HIVEP3: variants seen among roughly 807,000 people sequenced by gnomAD.
HIVEP3 encodes the protein transcription factor HIVEP3.
Under a neutral mutation model 152.8 loss-of-function variants are expected in HIVEP3, and 49 were observed. That is an observed-to-expected ratio of 0.32 (90% confidence interval 0.26 to 0.41). The LOEUF is 0.41. Among genes scored for constraint, HIVEP3 ranks in the 10% least tolerant of loss-of-function variants. The pLI, the probability that HIVEP3 is intolerant of heterozygous loss-of-function variation, is 1.00. For missense variants in HIVEP3, 2,790 were observed against 3,103.3 expected, an observed-to-expected ratio of 0.90 and a Z score of 2.40; for synonymous variants, 1,269 against 1,289.0, an observed-to-expected ratio of 0.98 and a Z score of 0.33.
At chr1:41,881,471 G>T (rs1303068027) in intron 1 of HIVEP3, among the ~76,000 whole-genome samples, 4 of 152,124 alleles carry the variant, frequency 2.6e-5, no homozygotes, top group Non-Finnish European at 5.9e-5. Context: ...ATTATAGAAA[G>T]TTCTAAAAAC....
chr1:41,522,846 G>A (rs537295556), intron 6 of HIVEP3, among the ~76,000 whole-genome samples: 15 of 152,320 alleles, frequency 9.8e-5, no homozygotes, highest in Admixed American at 3.9e-4. Flanking sequence ...CCCAGGCTGC[G>A]TGTGGGGCAC....
At chr1:41,598,321 C>A (rs761731989) in intron 3 of HIVEP3, among the ~76,000 whole-genome samples, 1 of 152,158 alleles carries the variant, frequency 6.6e-6, no homozygotes, top group Non-Finnish European at 1.5e-5. Context: ...GTGACTGTGG[C>A]ACAAAAGGCA....
At chr1:41,715,722 C>A (rs940029725) in intron 1 of HIVEP3, among the ~76,000 whole-genome samples, 3 of 152,206 alleles carry the variant, frequency 2.0e-5, no homozygotes, top group Admixed American at 1.3e-4. Flanking sequence ...CATCTTGGTG[C>A]TACCATAGGG....
At chr1:41,986,631 A>G (rs771884414) in intron 1 of HIVEP3, among the ~76,000 whole-genome samples, 6 of 151,926 alleles carry the variant, frequency 3.9e-5, no homozygotes, top group African/African-American at 1.5e-4. Context: ...TAGTAGAGAC[A>G]GGGTTTCACC....
chr1:41,630,661 T>C (rs895954055), intron 2 of HIVEP3, among the ~76,000 whole-genome samples: 1 of 152,152 alleles, frequency 6.6e-6, no homozygotes, highest in Non-Finnish European at 1.5e-5. Context: ...ACACCTTGAA[T>C]GAGCTTGGAA....
At chr1:42,004,150 G>C (rs995349678) in intron 1 of HIVEP3, among the ~76,000 whole-genome samples, 5 of 152,172 alleles carry the variant, frequency 3.3e-5, no homozygotes, top group Non-Finnish European at 7.3e-5. Flanking sequence ...GCATGACCCA[G>C]GAGGAAAGAG....
At chr1:41,612,099 A>G (rs1340762947) in intron 3 of HIVEP3, among the ~76,000 whole-genome samples, 1 of 118,054 alleles carries the variant, frequency 8.5e-6, no homozygotes, top group African/African-American at 3.3e-5. Flanking sequence ...ACTCCCACCC[A>G]CCTGTGCCCC....
intron 1 of HIVEP3, among the ~76,000 whole-genome samples, chr1:41,931,352 C>A (rs1362147332): frequency 4.6e-5 from 7 of 151,940 alleles, no homozygotes; most frequent in Non-Finnish European, 5.9e-5. Flanking sequence ...GTTCCAACAC[C>A]ATTTGTTGAA....
At chr1:41,816,794 A>T (rs1651295058) in intron 1 of HIVEP3, among the ~76,000 whole-genome samples, 1 of 152,224 alleles carries the variant, frequency 6.6e-6, no homozygotes, top group South Asian at 2.1e-4. Flanking sequence ...ATGAGAAAGA[A>T]GGGCTACAAA....
chr1:42,032,379 C>T (rs892134731), intron 1 of HIVEP3, among the ~76,000 whole-genome samples: 4 of 152,160 alleles, frequency 2.6e-5, no homozygotes, highest in African/African-American at 4.8e-5. Flanking sequence ...AGAAGTGCAA[C>T]GGGACGTTAA....
intron 1 of HIVEP3, among the ~76,000 whole-genome samples, chr1:41,986,438 CTTTT>C (rs34078704): frequency 4.4e-5 from 5 of 112,460 alleles, no homozygotes; most frequent in Admixed American, 8.6e-5. Context: ...TTGAATAGGA[CTTTT>C]TTTTTTTTTT....
At chr1:41,940,912 G>C (rs1645042708) in intron 1 of HIVEP3, among the ~76,000 whole-genome samples, 1 of 152,030 alleles carries the variant, frequency 6.6e-6, no homozygotes, top group Admixed American at 6.6e-5. Context: ...GAGAGACAGA[G>C]AGAAAGAGAG....
chr1:41,958,162 G>A (rs1475096478), intron 1 of HIVEP3, among the ~76,000 whole-genome samples: 1 of 152,174 alleles, frequency 6.6e-6, no homozygotes, highest in African/African-American at 2.4e-5. Context: ...AAAGAGCTGC[G>A]GCAGCTCCCG....
At chr1:41,901,333 G>A (rs1448810246) in intron 1 of HIVEP3, among the ~76,000 whole-genome samples, 1 of 152,090 alleles carries the variant, frequency 6.6e-6, no homozygotes, top group Non-Finnish European at 1.5e-5. Context: ...TAAGAAGGGG[G>A]CTGCATTTAC....
chr1:41,545,840 T>C (rs1643791937), intron 5 of HIVEP3, among the ~76,000 whole-genome samples: 2 of 150,358 alleles, frequency 1.3e-5, no homozygotes, highest in South Asian at 4.2e-4. Flanking sequence ...TCCTCAGCAT[T>C]CACTGGACAT....
At chr1:41,992,461 AAGG>A (rs1204866600) in intron 1 of HIVEP3, among the ~76,000 whole-genome samples, 1 of 130,230 alleles carries the variant, frequency 7.7e-6, no homozygotes, top group Non-Finnish European at 1.6e-5. Flanking sequence ...GGACCTCTTC[AAGG>A]AGAACTACAA....
At chr1:41,948,903 T>G (rs12060731) in intron 1 of HIVEP3, among the ~76,000 whole-genome samples, 8,590 of 151,836 alleles carry the variant, frequency 0.057, 853 homozygotes, top group African/African-American at 0.2. Flanking sequence ...GGCCATACAT[T>G]TCAATCCCTG....
intron 4 of HIVEP3, 49 bp downstream of exon 4, chr1:41,579,688 A>G (rs1569981864): frequency 6.6e-7 from 1 of 1,511,320 alleles, no homozygotes. Flanking sequence ...AAAGCTCGCC[A>G]AGTGCTTTTG....
chr1:41,526,017 C>T (rs1420270735), intron 5 of HIVEP3, among the ~76,000 whole-genome samples: 2 of 152,026 alleles, frequency 1.3e-5, no homozygotes, highest in Non-Finnish European at 2.9e-5. Flanking sequence ...ATACTCACGC[C>T]GCACCACCTG....
Sources: allele counts gnomAD v4.1 joint callset (sites outside exome capture counted in the v4.1 genomes callset), GRCh38; gene constraint gnomAD v4.1.1; transcripts MANE v1.5; gene names NCBI Gene and HGNC (gene_info 2026-07-23, HGNC 2026-07-21).